Variants in GRIA2 observed in about 807,000 individuals in gnomAD.
The protein encoded by GRIA2 is glutamate receptor 2.
In GRIA2, 14 loss-of-function variants were observed where a neutral mutation model predicts 97.3. The ratio of observed to expected loss-of-function variants is 0.14; its 90% confidence interval spans 0.10 to 0.23. The LOEUF (loss-of-function observed/expected upper bound fraction) is 0.23, where lower values mean the gene tolerates loss of function less well. Ranked by LOEUF, GRIA2 falls within the 10% of genes least tolerant of loss-of-function variation. GRIA2 has a pLI of 1.00. For missense variants in GRIA2, 558 were observed against 1,069.8 expected (o/e 0.52, Z 6.67); for synonymous variants, 412 against 387.8 (o/e 1.06, Z -0.73).
chr4:157,286,943 C>G (rs1385118894), intron 2 of GRIA2, among the ~76,000 whole-genome samples: 1 of 151,494 alleles, frequency 6.6e-6, no homozygotes, highest in Non-Finnish European at 1.5e-5. Context: ...TTGTGAAAGT[C>G]AATTTATTGA....
chr4:157,360,698 T>C (rs2127000123), intron 13 of GRIA2: 1 of 496,968 alleles, frequency 2.0e-6, no homozygotes, highest in Non-Finnish European at 3.9e-6. Flanking sequence ...TGTCGTTTGT[T>C]TTTTTTTTAG....
At chr4:157,305,594 C>A (rs1413563103) in intron 3 of GRIA2, among the ~76,000 whole-genome samples, 2 of 152,178 alleles carry the variant, frequency 1.3e-5, no homozygotes, top group East Asian at 3.9e-4. Flanking sequence ...AAAGGTAAAT[C>A]CATTTGACCT....
rs555817969 is a variant in GRIA2 at position 157,267,693 on chromosome 4, T to C, written c.230-35859T>C. 1.4e-4 allele frequency among the ~76,000 whole-genome samples: 22 copies of C among 152,192 alleles called. No individual in the cohort carries two copies. The South Asian group carries it at 3.9e-3, about 27-fold the overall frequency. On this transcript the variant is annotated intron_variant, in intron 2 of 15. Coordinates refer to ENST00000264426, the MANE Select transcript of GRIA2 (RefSeq NM_001083619.3). The stretch of plus-strand genomic sequence containing the variant: ...ATTAAGAAATGGCATAGTTTATTTG[T>C]CCTTGGGAATTTTTTGCACTGTCAC...
Position 157,359,939 on chromosome 4 carries a change from G to A in GRIA2, c.2087G>A (p.Arg696Gln). Residue 696 changes from arginine (R) to glutamine (Q), a missense_variant, in exon 13 of 16, where the codon CGG becomes CAG. By Grantham distance (43) the Arg-to-Gln change is conservative. Around this residue, in one of 8 missense-constraint regions of GRIA2, gnomAD observed 125 missense variants for 310.2 expected, o/e 0.40. Transcript: ENST00000264426. The part of the protein sequence containing the change: ...AVFDKMWTYM[R>Q]SAEPSVFVRT... The stretch of plus-strand genomic sequence containing the variant: ...TTTGATAAAATGTGGACCTACATGC[G>A]GAGTGCGGAGCCCTCTGTGTTTGTG... 2 of 1,613,438 alleles carry A rather than the reference G, an allele frequency of 1.2e-6. No homozygotes were observed. Among genetic ancestry groups the A allele is most frequent in the Non-Finnish European group, 1.7e-6 (2 of 1,179,550 alleles).
At chr4:157,337,133 C>A (rs952592305) in intron 11 of GRIA2, among the ~76,000 whole-genome samples, 5 of 151,994 alleles carry the variant, frequency 3.3e-5, no homozygotes, top group Admixed American at 3.3e-4. Flanking sequence ...CAAAGTAACA[C>A]CTTGTTAGAT....
chr4:157,338,517 A>G (rs1735406038), intron 11 of GRIA2, among the ~76,000 whole-genome samples: 2 of 152,068 alleles, frequency 1.3e-5, no homozygotes, highest in South Asian at 2.1e-4. Context: ...GTATTATCCC[A>G]GAGTCCACCA....
At chr4:157,291,215 C>T (rs1733084826) in intron 2 of GRIA2, among the ~76,000 whole-genome samples, 2 of 151,884 alleles carry the variant, frequency 1.3e-5, no homozygotes, top group Admixed American at 1.3e-4. Context: ...CGCTCTTTCC[C>T]GAATGCCTCC....
rs1303856355 is a variant in GRIA2, at chr4:157,365,265, T to A, written c.*1834T>A. The A allele has an allele frequency of 6.6e-6, 1 of 151,854 alleles. No individual in the cohort carries two copies. Among genetic ancestry groups the A allele is most frequent in the African/African-American group, 2.4e-5 (1 of 41,372 alleles). The allele number at this position is 151,854 out of a possible 1,614,324, so 9.4% of individuals were successfully genotyped here. On this transcript the variant is annotated 3_prime_UTR_variant, in exon 16 of 16. Transcript: ENST00000264426. The stretch of plus-strand genomic sequence containing the variant: ...TCCCTAATCACAGATCCTAAGGTAA[T>A]ATAATATAATTTTAGTGCATTTCTC...
At chr4:157,224,591 T>C (rs546022808) in intron 2 of GRIA2, among the ~76,000 whole-genome samples, 1 of 152,256 alleles carries the variant, frequency 6.6e-6, no homozygotes, top group East Asian at 1.9e-4. Flanking sequence ...TTTAACTCTT[T>C]TGAGACAGAA....
intron 2 of GRIA2, among the ~76,000 whole-genome samples, chr4:157,232,169 G>T (rs902840110): frequency 1.3e-5 from 2 of 151,974 alleles, no homozygotes; most frequent in Admixed American, 1.3e-4. Flanking sequence ...ATTCCTTTAG[G>T]GCTTTATGTT....
At chr4:157,256,206 A>C in intron 2 of GRIA2, among the ~76,000 whole-genome samples, 1 of 126,732 alleles carries the variant, frequency 7.9e-6, no homozygotes, top group Non-Finnish European at 1.6e-5. Flanking sequence ...TATTACATAT[A>C]TATGTTATAT....
chr4:157,313,601 T>C (rs1030479972), intron 4 of GRIA2, among the ~76,000 whole-genome samples: 2 of 152,046 alleles, frequency 1.3e-5, no homozygotes, highest in Non-Finnish European at 2.9e-5. Context: ...AAATCCACCA[T>C]GATTTACAAA....
chr4:157,355,700 A>C (rs1397482278), intron 12 of GRIA2, among the ~76,000 whole-genome samples: 1 of 112,790 alleles, frequency 8.9e-6, no homozygotes, highest in Non-Finnish European at 1.7e-5. Flanking sequence ...TTATTTATAT[A>C]TATTTGTATA....
chr4:157,269,594 C>T (rs1731927164), intron 2 of GRIA2, among the ~76,000 whole-genome samples: 1 of 152,034 alleles, frequency 6.6e-6, no homozygotes, highest in African/African-American at 2.4e-5. Flanking sequence ...ACTGCAGCTT[C>T]CTAAGAGGCA....
chr4:157,229,504 A>C (rs1729905635), intron 2 of GRIA2, among the ~76,000 whole-genome samples: 1 of 152,202 alleles, frequency 6.6e-6, no homozygotes. Context: ...CAGGTTCCTT[A>C]TAGAAAGGGA....
intron 2 of GRIA2, among the ~76,000 whole-genome samples, chr4:157,297,787 T>C (rs1384800185): frequency 2.0e-5 from 2 of 99,654 alleles, no homozygotes; most frequent in Non-Finnish European, 2.1e-5. Context: ...TCTTTTTTCT[T>C]TTTTTATTCT....
At chr4:157,282,768 T>C (rs1314741815) in intron 2 of GRIA2, among the ~76,000 whole-genome samples, 1 of 152,126 alleles carries the variant, frequency 6.6e-6, no homozygotes, top group Non-Finnish European at 1.5e-5. Flanking sequence ...CATATGCCTG[T>C]GTAGGAACAT....
At chr4:157,314,593 T>A (rs1237561515) in intron 4 of GRIA2, among the ~76,000 whole-genome samples, 2 of 152,152 alleles carry the variant, frequency 1.3e-5, no homozygotes, top group Non-Finnish European at 2.9e-5. Context: ...TATTCATTAG[T>A]CTTTGGTTTA....
intron 2 of GRIA2, among the ~76,000 whole-genome samples, chr4:157,288,888 T>TA (rs1454608542): frequency 1.3e-5 from 2 of 151,876 alleles, no homozygotes; most frequent in African/African-American, 4.8e-5. Flanking sequence ...ATTTGGGGTA[T>TA]GTTATAGTGA....
Sources: allele counts gnomAD v4.1 joint callset (sites outside exome capture counted in the v4.1 genomes callset), GRCh38; gene constraint gnomAD v4.1.1; regional missense constraint gnomAD v4.1.1; transcripts MANE v1.5; gene names NCBI Gene and HGNC (gene_info 2026-07-23, HGNC 2026-07-21).